Variants in THSD4 observed in about 807,000 individuals in gnomAD.
The protein encoded by THSD4 is thrombospondin type-1 domain-containing protein 4.
Under a neutral mutation model 119.0 loss-of-function variants are expected in THSD4, and 69 were observed. That is an observed-to-expected ratio of 0.58 (90% confidence interval 0.48 to 0.71). The LOEUF is 0.71. THSD4 is among the 30% of genes least tolerant of loss of function. THSD4 has a pLI of 0.00. For missense variants in THSD4, 1,393 were observed against 1,391.1 expected (o/e 1.00, Z -0.02); for synonymous variants, 524 against 540.4 (o/e 0.97, Z 0.42).
chr15:71,554,537 C>T (rs534002600), intron 7 of THSD4, among the ~76,000 whole-genome samples: 1 of 152,164 alleles, frequency 6.6e-6, no homozygotes. Context: ...TACAGGCATG[C>T]GCCGCCATGC....
At chr15:71,513,379 C>G (rs1427302343) in intron 7 of THSD4, among the ~76,000 whole-genome samples, 1 of 152,136 alleles carries the variant, frequency 6.6e-6, no homozygotes, top group Admixed American at 6.5e-5. Flanking sequence ...CTTTATATGT[C>G]AAAGGACTTG....
At chr15:71,640,326 C>T (rs985566244) in intron 7 of THSD4, among the ~76,000 whole-genome samples, 2 of 152,076 alleles carry the variant, frequency 1.3e-5, no homozygotes, top group African/African-American at 4.8e-5. Context: ...AGCGATCCCC[C>T]AACCTCAGCC....
intron 4 of THSD4, among the ~76,000 whole-genome samples, chr15:71,235,576 CCT>C (rs202026773): frequency 3.9e-5 from 5 of 128,838 alleles, no homozygotes; most frequent in African/African-American, 5.7e-5. Flanking sequence ...AGGAATGCCA[CCT>C]CTCTCTTTTT....
intron 3 of THSD4, among the ~76,000 whole-genome samples, chr15:71,206,927 C>A (rs751885187): frequency 6.6e-6 from 1 of 152,146 alleles, no homozygotes; most frequent in East Asian, 1.9e-4. Context: ...AGTAACAGAT[C>A]GTATGTTTTC....
At chr15:71,613,253 T>C (rs560519699) in intron 7 of THSD4, among the ~76,000 whole-genome samples, 1 of 152,286 alleles carries the variant, frequency 6.6e-6, no homozygotes, top group South Asian at 2.1e-4. Flanking sequence ...CTCTTGGAGA[T>C]TCATAAGGCT....
At chr15:71,561,540 G>A (rs1190262369) in intron 7 of THSD4, among the ~76,000 whole-genome samples, 5 of 152,078 alleles carry the variant, frequency 3.3e-5, no homozygotes, top group Non-Finnish European at 7.4e-5. Flanking sequence ...TGGAGTTGGG[G>A]GTGAGGGCAT....
chr15:71,662,567 T>G (rs913648990), intron 8 of THSD4, among the ~76,000 whole-genome samples: 21 of 152,324 alleles, frequency 1.4e-4, no homozygotes, highest in Admixed American at 1.2e-3. Flanking sequence ...AATGCCACTT[T>G]TTATTAGCTT....
intron 7 of THSD4, among the ~76,000 whole-genome samples, chr15:71,625,807 G>C (rs1238862849): frequency 6.6e-6 from 1 of 152,204 alleles, no homozygotes; most frequent in African/African-American, 2.4e-5. Context: ...CAGGGTGGAG[G>C]GGGTGGAGAC....
At chr15:71,319,384 C>T (rs1202524118) in intron 6 of THSD4, among the ~76,000 whole-genome samples, 1 of 133,594 alleles carries the variant, frequency 7.5e-6, no homozygotes, top group Non-Finnish European at 1.6e-5. Flanking sequence ...AATGCTATCC[C>T]TCCCCCCTCC....
intron 7 of THSD4, among the ~76,000 whole-genome samples, chr15:71,616,962 T>C (rs1039119156): frequency 6.6e-6 from 1 of 152,222 alleles, no homozygotes; most frequent in South Asian, 2.1e-4. Flanking sequence ...ATGCCTGTAA[T>C]AGGGGCTCAG....
At chr15:71,523,550 C>T (rs1285880032) in intron 7 of THSD4, among the ~76,000 whole-genome samples, 1 of 152,188 alleles carries the variant, frequency 6.6e-6, no homozygotes, top group Non-Finnish European at 1.5e-5. Flanking sequence ...ACGCTTCAAC[C>T]TACTGCAATG....
intron 7 of THSD4, among the ~76,000 whole-genome samples, chr15:71,529,928 G>A (rs1331306999): frequency 1.3e-5 from 2 of 152,090 alleles, no homozygotes; most frequent in African/African-American, 4.8e-5. Context: ...GATATGCTCG[G>A]GAGTTATGCT....
At chr15:71,183,062 G>A (rs28505450) in intron 3 of THSD4, 43,570 of 151,458 alleles carry the variant, frequency 0.29, 6,930 homozygotes, top group East Asian at 0.45. Context: ...AAGACATACC[G>A]GAGACTGGGT....
chr15:71,462,204 C>T (rs2047438824), intron 7 of THSD4, among the ~76,000 whole-genome samples: 1 of 152,164 alleles, frequency 6.6e-6, no homozygotes, highest in Non-Finnish European at 1.5e-5. Context: ...CTCTGTCACC[C>T]CGGCTGGAGT....
chr15:71,370,279 C>A (rs550523503), intron 6 of THSD4, among the ~76,000 whole-genome samples: 2 of 152,096 alleles, frequency 1.3e-5, no homozygotes, highest in African/African-American at 4.8e-5. Flanking sequence ...GTCTCTATCT[C>A]CTTCAGTTCT....
chr15:71,398,668 A>G (rs534918495), intron 6 of THSD4, among the ~76,000 whole-genome samples: 4 of 152,262 alleles, frequency 2.6e-5, no homozygotes, highest in Non-Finnish European at 4.4e-5. Context: ...AGAAATGTGC[A>G]TTAGTGATTG....
At chr15:71,345,561 A>G (rs1044527869) in intron 6 of THSD4, among the ~76,000 whole-genome samples, 6 of 152,212 alleles carry the variant, frequency 3.9e-5, no homozygotes, top group African/African-American at 1.4e-4. Context: ...CAGCTCAACA[A>G]TGGCAGATCT....
At chr15:71,312,611 T>C (rs1596330335) in intron 6 of THSD4, among the ~76,000 whole-genome samples, 1 of 152,050 alleles carries the variant, frequency 6.6e-6, no homozygotes, top group Non-Finnish European at 1.5e-5. Flanking sequence ...ACGGCAGCCC[T>C]AGAAAACTCC....
intron 7 of THSD4, among the ~76,000 whole-genome samples, chr15:71,624,586 C>A (rs774779470): frequency 6.6e-6 from 1 of 152,090 alleles, no homozygotes; most frequent in African/African-American, 2.4e-5. Context: ...GTGTTTTGGA[C>A]TCATTTGGTG....
Sources: gnomAD v4.1 joint callset for allele counts (sites outside exome capture counted in the v4.1 genomes callset) on GRCh38, gnomAD v4.1.1 for gene constraint, MANE v1.5 for transcripts, NCBI Gene and HGNC (gene_info 2026-07-23, HGNC 2026-07-21) for gene names.